Variants in PYROXD1 observed in about 807,000 individuals in gnomAD.
The protein encoded by PYROXD1 is pyridine nucleotide-disulphide oxidoreductase domain 1, also known as tRNA ligase complex-associated NAD(P)H dehydrogenase PYROXD1.
Under a neutral mutation model 62.0 loss-of-function variants are expected in PYROXD1, and 42 were observed. That is an observed-to-expected ratio of 0.68 (90% CI 0.53 to 0.88). PYROXD1 has a LOEUF of 0.88. PYROXD1 is among the 40% of genes least tolerant of loss of function. The pLI, the probability that PYROXD1 is intolerant of heterozygous loss-of-function variation, is 0.00. For synonymous variants in PYROXD1, 170 were observed against 206.4 expected (o/e 0.82, Z 1.51); for missense variants, 493 against 604.8 (o/e 0.82, Z 1.94).
At position 21,467,393 on chromosome 12, in the gene PYROXD1, A is replaced by G. The variant is rs1942817472; in HGVS notation, c.1117-88A>G. On this transcript the variant is annotated intron_variant, in intron 10 of 11. Coordinates refer to ENST00000240651, the MANE Select transcript of PYROXD1 (RefSeq NM_024854.5). ...ATGACAGAAAGACTGTCAAACATTG[A>G]ACTCCTTTAAGTGAATTTACAAGGT... 9.9e-6 allele frequency: 12 copies of G among 1,210,980 alleles called. No homozygotes were observed. The South Asian group carries it at 2.1e-4, about 21-fold the overall frequency. 75.0% of individuals were successfully genotyped at this position (1,210,980 alleles called of 1,614,324 possible). A position where few individuals can be genotyped will look rare whatever the true frequency, so the allele number is the denominator to read the frequency against.
At chr12:21,452,486 T>G (rs1026653570) in intron 5 of PYROXD1, among the ~76,000 whole-genome samples, 7 of 152,108 alleles carry the variant, frequency 4.6e-5, no homozygotes, top group African/African-American at 1.7e-4. Flanking sequence ...TTCAAATATT[T>G]ACACCTTTTG....
At chr12:21,444,318 A>G (rs1188850898) in intron 2 of PYROXD1, among the ~76,000 whole-genome samples, 1 of 152,210 alleles carries the variant, frequency 6.6e-6, no homozygotes, top group Non-Finnish European at 1.5e-5. Flanking sequence ...GAGTACCTAT[A>G]TTATATATTA....
At chr12:21,439,003 G>A (rs1242527300) in intron 1 of PYROXD1, among the ~76,000 whole-genome samples, 2 of 152,134 alleles carry the variant, frequency 1.3e-5, no homozygotes, top group Non-Finnish European at 2.9e-5. Context: ...GAGTGAATTA[G>A]GGAAGAGGAA....
intron 10 of PYROXD1, 148 bp from the exon 11 acceptor site, chr12:21,467,332 AT>A: frequency 1.6e-6 from 1 of 610,776 alleles, no homozygotes; most frequent in Non-Finnish European, 2.8e-6. Flanking sequence ...AATCAGTCTG[AT>A]TAGTTATCCA....
intron 1 of PYROXD1, among the ~76,000 whole-genome samples, chr12:21,438,764 T>C (rs1298239738): frequency 3.3e-5 from 5 of 152,188 alleles, no homozygotes; most frequent in Non-Finnish European, 7.3e-5. Flanking sequence ...TAAGAAATAG[T>C]GGAAGAAACT....
chr12:21,449,464 T>A (rs1014612955), intron 3 of PYROXD1, 99 bp from the exon 4 acceptor site: 1 of 1,136,260 alleles, frequency 8.8e-7, no homozygotes, highest in East Asian at 2.5e-5. Flanking sequence ...TAATATATTA[T>A]GTTTTGCTTT....
At chr12:21,449,178 T>C (rs1942445665) in intron 3 of PYROXD1, among the ~76,000 whole-genome samples, 1 of 152,184 alleles carries the variant, frequency 6.6e-6, no homozygotes, top group Non-Finnish European at 1.5e-5. Context: ...GTCACAGGTA[T>C]AATGAGAATG....
At chr12:21,438,667 CAT>C (rs1217983393) in intron 1 of PYROXD1, 8 of 152,078 alleles carry the variant, frequency 5.3e-5, no homozygotes, top group African/African-American at 1.2e-4. Context: ...ATAGCCAGAC[CAT>C]ATATATTCAG....
intron 7 of PYROXD1, among the ~76,000 whole-genome samples, chr12:21,457,572 G>C (rs962805607): frequency 6.6e-6 from 1 of 151,874 alleles, no homozygotes; most frequent in Non-Finnish European, 1.5e-5. Flanking sequence ...TATTTATAAA[G>C]AAAAGAGGTT....
At position 21,469,400 on chromosome 12, in the gene PYROXD1, T is replaced by C. The variant is rs1942871080; in HGVS notation, c.*646T>C. On this transcript the variant is annotated 3_prime_UTR_variant, in exon 12 of 12. Coordinates refer to ENST00000240651, the MANE Select transcript of PYROXD1 (RefSeq NM_024854.5). ...TTTTTTTTTTTTTAAGCTCATCAGC[T>C]ATCGTCAGTGTTAGCATATTTTATG... is the stretch of plus-strand genomic sequence containing the variant. 2 of 151,970 alleles carry C rather than the reference T, an allele frequency of 1.3e-5. No individual in the cohort carries two copies. The highest frequency in any genetic ancestry group is 4.1e-4 in the South Asian group (2 of 4,830). The allele number at this position is 151,970 out of a possible 1,614,324, so 9.4% of individuals were successfully genotyped here.
intron 2 of PYROXD1, among the ~76,000 whole-genome samples, chr12:21,441,707 GT>G (rs1290134776): frequency 6.6e-6 from 1 of 151,418 alleles, no homozygotes; most frequent in Non-Finnish European, 1.5e-5. Flanking sequence ...ACTTCTTGAA[GT>G]TCCTTCAGCT....
rs911652877 is a variant in PYROXD1 at position 21,462,083 on chromosome 12, T to A, written c.956T>A (p.Val319Asp). The change falls in exon 9 of 12, where the codon GTT (valine) becomes GAT (aspartate). Residue 319 changes from valine to aspartate, a missense_variant. Val to Asp is a radical substitution (Grantham distance 152). Coordinates refer to ENST00000240651, the MANE Select transcript of PYROXD1 (RefSeq NM_024854.5). ...GCDFIVSATG[V>D]TPNVEPFLHG... ...GATTTCATTGTCAGTGCTACAGGAG[T>A]TACACCAAATGTAGAACCTTTTCTC... The A allele has an allele frequency of 1.2e-6, 2 of 1,612,108 alleles. No homozygotes were observed. Among genetic ancestry groups the A allele is most frequent in the Non-Finnish European group, 1.7e-6 (2 of 1,178,720 alleles).
intron 4 of PYROXD1, among the ~76,000 whole-genome samples, chr12:21,450,862 C>G (rs1241046339): frequency 6.6e-6 from 1 of 152,060 alleles, no homozygotes; most frequent in African/African-American, 2.4e-5. Flanking sequence ...CATGATAATC[C>G]TGTGTGACGA....
chr12:21,465,500 G>C (rs529316062), intron 10 of PYROXD1, among the ~76,000 whole-genome samples: 12 of 151,798 alleles, frequency 7.9e-5, no homozygotes, highest in Non-Finnish European at 1.5e-4. Flanking sequence ...ATCCTTCGCC[G>C]ACTTTTTGAT....
chr12:21,452,763 A>G (rs749554943), intron 5 of PYROXD1, among the ~76,000 whole-genome samples: 2 of 152,132 alleles, frequency 1.3e-5, no homozygotes, highest in African/African-American at 2.4e-5. Context: ...TCATGATTTT[A>G]TCCTCTAGCA....
rs370812903 is a variant in PYROXD1 at position 21,468,528 on chromosome 12, A to G, written c.1277A>G (p.Asn426Ser). ...TAGGTTGTACTGCTGGGAAAATACAATGCACAGGGCTTAGGTTCAGATCAT... is the reference window on the plus strand; with the variant it reads ...TAGGTTGTACTGCTGGGAAAATACAGTGCACAGGGCTTAGGTTCAGATCAT... The part of the protein sequence containing the change: ...NYKVVLLGKY[N>S]AQGLGSDHEL... The change falls in exon 12 of 12, where the codon AAT becomes AGT. Residue 426 changes from asparagine to serine, a missense_variant. By Grantham distance (46) the Asn-to-Ser change is conservative. Transcript: ENST00000240651. The G allele has an allele frequency of 7.4e-6, 12 of 1,612,450 alleles. No individual in the cohort carries two copies. Among genetic ancestry groups the G allele is most frequent in the Non-Finnish European group, 1.0e-5 (12 of 1,178,974 alleles).
At chr12:21,445,798 A>G (rs1412158151) in intron 3 of PYROXD1, among the ~76,000 whole-genome samples, 4 of 152,204 alleles carry the variant, frequency 2.6e-5, no homozygotes, top group African/African-American at 9.7e-5. Context: ...GTCAAAGGGA[A>G]TATGAACATG....
chr12:21,464,211 A>T lies in PYROXD1; in HGVS notation c.1116+1349A>T, dbSNP rs200834623. Among the ~76,000 whole-genome samples the T allele has an allele frequency of 6.8e-4, 103 of 151,668 alleles. 1 individual carries two copies. The highest frequency in any genetic ancestry group is 2.3e-3 in the African/African-American group (96 of 41,322). On this transcript the variant is annotated intron_variant, in intron 10 of 11. Transcript: ENST00000240651. ...ATGTGTTATAATCTGAAAGAGGGGA[A>T]AAAATCCGAAAATAAACAGATGGCC...
chr12:21,448,023 G>T, intron 3 of PYROXD1: 1 of 453,326 alleles, frequency 2.2e-6, no homozygotes, highest in Middle Eastern at 3.3e-4. Flanking sequence ...TAGCACGTGT[G>T]AAGGTATCTC....
Sources: allele counts gnomAD v4.1 joint callset (sites outside exome capture counted in the v4.1 genomes callset), GRCh38; gene constraint gnomAD v4.1.1; transcripts MANE v1.5; gene names NCBI Gene and HGNC (gene_info 2026-07-23, HGNC 2026-07-21).